The following ACTR3C variants were observed in gnomAD, a reference collection of about 807,000 sequenced individuals.
ACTR3C encodes actin-related protein 3C.
ACTR3C carries 18 observed loss-of-function variants against 26.3 expected under a neutral mutation model. The ratio of observed to expected loss-of-function variants is 0.68; its 90% CI spans 0.47 to 1.01. The LOEUF (loss-of-function observed/expected upper bound fraction) is 1.01, where lower values mean the gene tolerates loss of function less well. ACTR3C is among the 50% of genes least tolerant of loss of function. ACTR3C has a pLI of 0.00. For missense variants in ACTR3C, 184 were observed against 250.7 expected (o/e 0.73, Z 1.80); for synonymous variants, 55 against 94.5 (o/e 0.58, Z 2.42).
the ACTR3C span, among the ~76,000 whole-genome samples, chr7:149,949,565 A>C: frequency 6.8e-6 from 1 of 147,876 alleles, no homozygotes; most frequent in African/African-American, 2.7e-5. Flanking sequence ...AGGAAGACAA[A>C]GAAAAGATGG....
chr7:150,281,653 G>C (rs574208554), intron 6 of ACTR3C, among the ~76,000 whole-genome samples: 11 of 151,914 alleles, frequency 7.2e-5, no homozygotes, highest in Non-Finnish European at 1.0e-4. Context: ...ACTTGCTGAG[G>C]AACTAGCAAA....
chr7:150,039,743 G>A, the ACTR3C span, among the ~76,000 whole-genome samples: 1 of 141,716 alleles, frequency 7.1e-6, no homozygotes, highest in Non-Finnish European at 1.6e-5. Context: ...CGCGGGGGGT[G>A]CCTCCCCCTC....
the ACTR3C span, among the ~76,000 whole-genome samples, chr7:149,933,261 C>T: frequency 1.3e-5 from 2 of 151,624 alleles, no homozygotes; most frequent in Non-Finnish European, 2.9e-5. Context: ...AATCCATCTC[C>T]CCACCATCCC....
At chr7:149,926,526 C>T in the ACTR3C span, among the ~76,000 whole-genome samples, 1 of 152,208 alleles carries the variant, frequency 6.6e-6, no homozygotes, top group African/African-American at 2.4e-5. Context: ...CAGTGAAAAC[C>T]TTGGGCCCTG....
At chr7:150,012,221 T>C in the ACTR3C span, among the ~76,000 whole-genome samples, 27 of 152,256 alleles carry the variant, frequency 1.8e-4, no homozygotes, top group Non-Finnish European at 3.7e-4. Flanking sequence ...TCTTTATTCT[T>C]TCCCTTTCTT....
At chr7:150,200,283 T>A in the ACTR3C span, among the ~76,000 whole-genome samples, 1 of 152,216 alleles carries the variant, frequency 6.6e-6, no homozygotes, top group Admixed American at 6.5e-5. Context: ...GGTCTGAATT[T>A]GTTGTTGTTA....
chr7:150,296,750 C>T (rs555782201), intron 1 of ACTR3C, among the ~76,000 whole-genome samples: 3 of 144,760 alleles, frequency 2.1e-5, no homozygotes, highest in African/African-American at 7.8e-5. Context: ...GAGGTCATCA[C>T]GGTTACCTGA....
the ACTR3C span, among the ~76,000 whole-genome samples, chr7:149,932,896 G>A: frequency 3.3e-5 from 5 of 151,384 alleles, no homozygotes; most frequent in South Asian, 1.1e-3. Flanking sequence ...GGTTTGGCGG[G>A]GCCAGGCAGA....
At chr7:150,167,264 A>C in the ACTR3C span, among the ~76,000 whole-genome samples, 127 of 150,574 alleles carry the variant, frequency 8.4e-4, 11 homozygotes, top group African/African-American at 2.8e-3. Flanking sequence ...TGCTGTACTA[A>C]TTTACCTTCC....
chr7:150,280,013 C>A lies in ACTR3C; in HGVS notation c.564+4740G>T, dbSNP rs1164143603. ...CTGAGAAGTAGAAAGACATCCATTA[C>A]ATTACAAAGCAATTCAAATTGGCTT... On this transcript the variant is annotated intron_variant, in intron 6 of 7. Coordinates refer to ENST00000683684, the MANE Select transcript of ACTR3C (RefSeq NM_001164458.2). Among the ~76,000 whole-genome samples the A allele has an allele frequency of 2.0e-5, 3 of 152,206 alleles. No homozygotes were observed. The East Asian group carries it at 5.8e-4, about 29-fold the overall frequency.
chr7:150,097,916 C>G, the ACTR3C span, among the ~76,000 whole-genome samples: 1 of 151,516 alleles, frequency 6.6e-6, no homozygotes, highest in Non-Finnish European at 1.5e-5. Flanking sequence ...AGGCTCTAAG[C>G]AGAGATGGCA....
chr7:150,316,069 T>C (rs1401533814), intron 1 of ACTR3C, among the ~76,000 whole-genome samples: 1 of 152,160 alleles, frequency 6.6e-6, no homozygotes, highest in Admixed American at 6.5e-5. Flanking sequence ...TCGTGGCACA[T>C]GCCTGTAATC....
chr7:150,074,226 C>CT, the ACTR3C span: 1 of 152,150 alleles, frequency 6.6e-6, no homozygotes, highest in Admixed American at 6.5e-5. Context: ...TGAGACTACT[C>CT]TAAAGCTTGA....
At chr7:150,206,881 T>A in the ACTR3C span, among the ~76,000 whole-genome samples, 2 of 152,264 alleles carry the variant, frequency 1.3e-5, no homozygotes, top group Admixed American at 6.5e-5. Flanking sequence ...TAAAAGTTGC[T>A]TTATTGTTTT....
chr7:150,284,828 A>G lies in ACTR3C; in HGVS notation c.489T>C (p.Ser163=), dbSNP rs1365518479. ...FFHPEFANPD[S]MESISDVVDE... ...CAACAACATCTGAGATGGACTCCAT[A>G]GAGTCTGGGTTGGCAAACTGAATTG... Residue 163 remains serine, a synonymous_variant, in exon 6 of 8, where the codon TCT becomes TCC. Transcript: ENST00000683684. 1 of 1,611,340 alleles carries G rather than the reference A, an allele frequency of 6.2e-7. No homozygotes were observed. Among genetic ancestry groups the G allele is most frequent in the Non-Finnish European group, 8.5e-7 (1 of 1,179,024 alleles).
At chr7:150,236,310 T>C in the ACTR3C span, among the ~76,000 whole-genome samples, 2 of 152,216 alleles carry the variant, frequency 1.3e-5, no homozygotes, top group Non-Finnish European at 2.9e-5. Context: ...AGTATTAGCA[T>C]TCATCAATAT....
chr7:150,193,087 T>C, the ACTR3C span, among the ~76,000 whole-genome samples: 1 of 152,214 alleles, frequency 6.6e-6, no homozygotes, highest in African/African-American at 2.4e-5. Flanking sequence ...CCCACTTTGC[T>C]GATGTGTCTT....
At chr7:149,956,889 C>T in the ACTR3C span, among the ~76,000 whole-genome samples, 4 of 152,178 alleles carry the variant, frequency 2.6e-5, no homozygotes, top group African/African-American at 4.8e-5. Context: ...ACGGGCTACT[C>T]CTTGATGCTT....
the ACTR3C span, among the ~76,000 whole-genome samples, chr7:150,079,308 G>C: frequency 1.3e-5 from 2 of 152,124 alleles, no homozygotes. Flanking sequence ...TGCAGGACTT[G>C]GCAAACTCTA....
Sources: gnomAD v4.1 joint callset for allele counts (sites outside exome capture counted in the v4.1 genomes callset) on GRCh38, gnomAD v4.1.1 for gene constraint, MANE v1.5 for transcripts, NCBI Gene and HGNC (gene_info 2026-07-23, HGNC 2026-07-21) for gene names.